The following CDH13 variants were observed in gnomAD, a reference collection of about 807,000 sequenced individuals.
CDH13 encodes cadherin-13.
In CDH13, 24 loss-of-function variants were observed where a neutral mutation model predicts 63.8. That is an observed-to-expected ratio of 0.38 (90% CI 0.27 to 0.53). The LOEUF (loss-of-function observed/expected upper bound fraction) is 0.53. CDH13 is among the 20% of genes least tolerant of loss of function. CDH13 has a pLI of 0.85. For missense variants in CDH13, 1,049 were observed against 903.1 expected (o/e 1.16, Z -2.07); for synonymous variants, 503 against 355.3 (o/e 1.42, Z -4.67).
intron 6 of CDH13, among the ~76,000 whole-genome samples, chr16:83,381,388 C>G (rs766800233): frequency 6.6e-6 from 1 of 152,028 alleles, no homozygotes; most frequent in Non-Finnish European, 1.5e-5. Context: ...GAGTTCCAAA[C>G]CTCTCTGACT....
chr16:83,141,793 T>TAA (rs1567870815), intron 4 of CDH13, among the ~76,000 whole-genome samples: 3 of 152,212 alleles, frequency 2.0e-5, no homozygotes, highest in Non-Finnish European at 4.4e-5. Context: ...TGTCTTAGTT[T>TAA]GCTGAGAATG....
At chr16:82,810,889 G>A (rs987092056) in intron 1 of CDH13, among the ~76,000 whole-genome samples, 7 of 152,166 alleles carry the variant, frequency 4.6e-5, no homozygotes, top group East Asian at 1.9e-4. Context: ...GGGAAATGGG[G>A]GGAGGTATCA....
intron 4 of CDH13, among the ~76,000 whole-genome samples, chr16:83,165,739 G>A (rs74031424): frequency 2.5e-4 from 38 of 152,238 alleles, no homozygotes; most frequent in Admixed American, 2.2e-3. Context: ...CATGGGTGCC[G>A]GTTTGACCTC....
chr16:82,694,507 T>C (rs1318004714), intron 1 of CDH13, among the ~76,000 whole-genome samples: 1 of 152,188 alleles, frequency 6.6e-6, no homozygotes, highest in African/African-American at 2.4e-5. Context: ...ATCTCAACTT[T>C]ATTTATCTTA....
At chr16:83,736,799 T>G (rs1430323464) in intron 10 of CDH13, among the ~76,000 whole-genome samples, 1 of 152,176 alleles carries the variant, frequency 6.6e-6, no homozygotes, top group Non-Finnish European at 1.5e-5. Context: ...ATTGCAGCAG[T>G]TGGGAGACCT....
At chr16:82,680,406 G>A (rs1914417455) in intron 1 of CDH13, among the ~76,000 whole-genome samples, 2 of 152,216 alleles carry the variant, frequency 1.3e-5, no homozygotes, top group Non-Finnish European at 2.9e-5. Context: ...ACAGTGCCAG[G>A]AGGTGCGGGT....
chr16:83,264,665 A>G (rs919367959), intron 5 of CDH13, among the ~76,000 whole-genome samples: 2 of 151,650 alleles, frequency 1.3e-5, no homozygotes, highest in African/African-American at 2.4e-5. Context: ...ATATCAAATC[A>G]TATCTATGGC....
chr16:83,125,801 C>T (rs1470871590), intron 4 of CDH13, among the ~76,000 whole-genome samples: 3 of 152,152 alleles, frequency 2.0e-5, no homozygotes, highest in Non-Finnish European at 2.9e-5. Context: ...AGATTATATT[C>T]AGGTGATCAC....
intron 6 of CDH13, among the ~76,000 whole-genome samples, chr16:83,452,817 G>A (rs566512836): frequency 3.9e-5 from 6 of 152,190 alleles, no homozygotes; most frequent in Non-Finnish European, 8.8e-5. Context: ...GATACTGGAG[G>A]TGGGTTTTGG....
chr16:83,559,381 G>T (rs150434945), intron 7 of CDH13, among the ~76,000 whole-genome samples: 181 of 152,214 alleles, frequency 1.2e-3, no homozygotes, highest in African/African-American at 4.1e-3. Context: ...AGAGCAGCCT[G>T]AGCAACATGG....
intron 2 of CDH13, among the ~76,000 whole-genome samples, chr16:82,929,588 C>A (rs1394292831): frequency 7.3e-6 from 1 of 136,386 alleles, no homozygotes; most frequent in Non-Finnish European, 1.5e-5. Flanking sequence ...GGAGGCGGAG[C>A]TTGCAGTGAG....
chr16:83,788,357 G>C (rs763555056), intron 13 of CDH13, among the ~76,000 whole-genome samples: 1 of 151,936 alleles, frequency 6.6e-6, no homozygotes, highest in African/African-American at 2.4e-5. Context: ...AGGTGACAGG[G>C]GCCTCTAGCT....
intron 8 of CDH13, among the ~76,000 whole-genome samples, chr16:83,604,307 C>G (rs1359642731): frequency 6.6e-6 from 1 of 152,206 alleles, no homozygotes; most frequent in Non-Finnish European, 1.5e-5. Context: ...GCTGCTAATA[C>G]AGACTGCTCA....
At chr16:83,049,194 G>A (rs1050033707) in intron 3 of CDH13, among the ~76,000 whole-genome samples, 3 of 151,854 alleles carry the variant, frequency 2.0e-5, no homozygotes, top group African/African-American at 7.3e-5. Context: ...AAATGGTTCT[G>A]TTAACCCAAA....
At chr16:83,630,482 C>A (rs921062213) in intron 8 of CDH13, among the ~76,000 whole-genome samples, 1 of 152,058 alleles carries the variant, frequency 6.6e-6, no homozygotes, top group African/African-American at 2.4e-5. Context: ...GGAGAGTGGG[C>A]GATCAGGGAG....
intron 6 of CDH13, 122 bp downstream of exon 6, chr16:83,345,128 A>T (rs2090812129): frequency 9.0e-7 from 1 of 1,116,092 alleles, no homozygotes; most frequent in South Asian, 1.8e-5. Context: ...GCGTCGACTT[A>T]ATACTTCCCT....
In CDH13 at chr16:83,626,365, G is replaced by A. The variant is rs1050986253; in HGVS notation, c.1101+23771G>A. 1.3e-4 allele frequency among the ~76,000 whole-genome samples: 20 copies of A among 152,316 alleles called. No individual in the cohort carries two copies. In the East Asian group the frequency reaches 3.7e-3, roughly 28 times the overall value. ...TTCTGTGAATAACATGATTGGCGTTGTCACCGGGATAACTGCAGGAGAGAT... is the reference window on the plus strand; with the variant it reads ...TTCTGTGAATAACATGATTGGCGTTATCACCGGGATAACTGCAGGAGAGAT... On this transcript the variant is annotated intron_variant, in intron 8 of 13. Coordinates refer to ENST00000567109, the MANE Select transcript of CDH13 (RefSeq NM_001257.5).
chr16:83,241,477 G>A (rs1182878955), intron 5 of CDH13, among the ~76,000 whole-genome samples: 1 of 152,126 alleles, frequency 6.6e-6, no homozygotes, highest in Non-Finnish European at 1.5e-5. Context: ...ATTTCTTCAT[G>A]TCTTTTCAAT....
chr16:82,844,717 G>C (rs1318820440), intron 1 of CDH13: 1 of 135,218 alleles, frequency 7.4e-6, no homozygotes, highest in Non-Finnish European at 1.5e-5. Context: ...TCGGCTCACT[G>C]TAAGCTCCGC....
Sources: allele counts gnomAD v4.1 joint callset (sites outside exome capture counted in the v4.1 genomes callset), GRCh38; gene constraint gnomAD v4.1.1; transcripts MANE v1.5; gene names NCBI Gene and HGNC (gene_info 2026-07-23, HGNC 2026-07-21).